Variants in CES5A observed in about 807,000 individuals in gnomAD.
The protein encoded by CES5A is carboxylesterase 5A.
CES5A carries 67 observed loss-of-function variants against 62.9 expected under a neutral mutation model. The ratio of observed to expected loss-of-function variants is 1.07; its 90% CI spans 0.88 to 1.31. The LOEUF (loss-of-function observed/expected upper bound fraction) is 1.31. Among genes scored for constraint, CES5A ranks in the 50% most tolerant of loss-of-function variants. CES5A has a pLI of 0.00. For missense variants in CES5A, 748 were observed against 708.5 expected (o/e 1.06, Z -0.63); for synonymous variants, 296 against 280.8 (o/e 1.05, Z -0.54).
At chr16:55,945,341 A>G (rs1366113411) in intron 2 of CES5A, among the ~76,000 whole-genome samples, 2 of 152,246 alleles carry the variant, frequency 1.3e-5, no homozygotes, top group African/African-American at 4.8e-5. Context: ...TGTTCAGTGA[A>G]TCAGAAGCAA....
chr16:55,936,347 T>A (rs915152764), intron 2 of CES5A, among the ~76,000 whole-genome samples: 3 of 152,212 alleles, frequency 2.0e-5, no homozygotes, highest in Non-Finnish European at 4.4e-5. Context: ...CCTGTGTGTG[T>A]TCGTATGGAG....
chr16:55,847,575 T>C (rs555680908), intron 11 of CES5A, among the ~76,000 whole-genome samples: 159 of 152,260 alleles, frequency 1.0e-3, no homozygotes, highest in African/African-American at 3.5e-3. Context: ...AAAGACAGGC[T>C]CTGCAGGTAC....
At chr16:55,890,078 T>C (rs1234936053) in intron 1 of CES5A, among the ~76,000 whole-genome samples, 1 of 152,104 alleles carries the variant, frequency 6.6e-6, no homozygotes, top group African/African-American at 2.4e-5. Context: ...CCCTTGATAA[T>C]AGCATAAGCT....
chr16:55,857,371 G>T (rs1274453512), intron 8 of CES5A, among the ~76,000 whole-genome samples: 1 of 152,102 alleles, frequency 6.6e-6, no homozygotes, highest in Non-Finnish European at 1.5e-5. Flanking sequence ...CCACTTTCTG[G>T]CAAAATTACC....
chr16:55,865,830 G>C, intron 5 of CES5A, 133 bp downstream of exon 5: 1 of 998,666 alleles, frequency 1.0e-6, no homozygotes, highest in East Asian at 2.5e-5. Context: ...AATGTGTTGT[G>C]AGGCTTGAAA....
chr16:55,947,811 AGG>A (rs2034512574), intron 2 of CES5A, among the ~76,000 whole-genome samples: 1 of 152,076 alleles, frequency 6.6e-6, no homozygotes, highest in Non-Finnish European at 1.5e-5. Context: ...GAGTGAGCAA[AGG>A]GGACATAGTG....
intron 1 of CES5A, among the ~76,000 whole-genome samples, chr16:55,923,093 C>CTT (rs1321185477): frequency 6.6e-6 from 1 of 151,000 alleles, no homozygotes; most frequent in African/African-American, 2.4e-5. Context: ...AGTAGAAAGA[C>CTT]TTTAAAGAAA....
intron 3 of CES5A, among the ~76,000 whole-genome samples, chr16:55,871,132 T>A (rs1240267893): frequency 6.6e-6 from 1 of 152,170 alleles, no homozygotes; most frequent in Non-Finnish European, 1.5e-5. Flanking sequence ...GGCAGAGGCA[T>A]GAGGAAGAGA....
At chr16:55,910,732 C>T (rs2034084421) in intron 1 of CES5A, among the ~76,000 whole-genome samples, 1 of 152,206 alleles carries the variant, frequency 6.6e-6, no homozygotes, top group Admixed American at 6.5e-5. Flanking sequence ...ATTTCTCTTT[C>T]TGGCAAAGCA....
chr16:55,905,959 C>T (rs1017543419), intron 1 of CES5A, among the ~76,000 whole-genome samples: 1 of 152,130 alleles, frequency 6.6e-6, no homozygotes, highest in Non-Finnish European at 1.5e-5. Context: ...CAACAACACT[C>T]CCAGGAAGTA....
chr16:55,915,649 C>A (rs1258713427), intron 1 of CES5A, among the ~76,000 whole-genome samples: 3 of 152,154 alleles, frequency 2.0e-5, no homozygotes, highest in African/African-American at 4.8e-5. Context: ...TCCAGGAAGT[C>A]TTCATTCACT....
intron 5 of CES5A, among the ~76,000 whole-genome samples, chr16:55,865,635 C>A (rs1293833355): frequency 6.6e-6 from 1 of 152,188 alleles, no homozygotes; most frequent in Non-Finnish European, 1.5e-5. Flanking sequence ...CATTTCATGT[C>A]TTAGCTGAGT....
At chr16:55,906,699 G>T (rs1039175413) in intron 1 of CES5A, among the ~76,000 whole-genome samples, 2 of 152,214 alleles carry the variant, frequency 1.3e-5, no homozygotes, top group Admixed American at 6.5e-5. Context: ...TCCCAGGGGA[G>T]CTGGAGAAGA....
chr16:55,947,581 A>C (rs1260755066), intron 2 of CES5A, among the ~76,000 whole-genome samples: 1 of 152,154 alleles, frequency 6.6e-6, no homozygotes, highest in Non-Finnish European at 1.5e-5. Context: ...GATAAGTGTT[A>C]TGAGAAAAAA....
upstream of CES5A, among the ~76,000 whole-genome samples, chr16:55,876,722 G>C (rs144037459): frequency 6.6e-6 from 1 of 152,354 alleles, no homozygotes; most frequent in East Asian, 1.9e-4. Flanking sequence ...AGCCACAGCA[G>C]AGCAGAAGTG....
At chr16:55,860,794 A>G (rs2142396457) in intron 7 of CES5A, among the ~76,000 whole-genome samples, 1 of 152,354 alleles carries the variant, frequency 6.6e-6, no homozygotes, top group East Asian at 1.9e-4. Flanking sequence ...CAGAGTGGAC[A>G]TTCAGTACAC....
intron 1 of CES5A, among the ~76,000 whole-genome samples, chr16:55,888,181 C>T (rs1416237283): frequency 6.6e-6 from 1 of 152,162 alleles, no homozygotes; most frequent in Non-Finnish European, 1.5e-5. Context: ...TGTTCCACAT[C>T]TCGTCCTCTC....
chr16:55,906,284 G>A (rs973390841), intron 1 of CES5A, among the ~76,000 whole-genome samples: 24 of 152,154 alleles, frequency 1.6e-4, no homozygotes, highest in Non-Finnish European at 2.8e-4. Flanking sequence ...TGATTGATGC[G>A]GTTTGTAATA....
intron 1 of CES5A, among the ~76,000 whole-genome samples, chr16:55,891,228 C>T (rs1275011721): frequency 1.3e-5 from 2 of 152,212 alleles, no homozygotes; most frequent in Non-Finnish European, 2.9e-5. Context: ...GCAGGAGCCA[C>T]ATGTCCGGAA....
Sources: gnomAD v4.1 joint callset for allele counts (sites outside exome capture counted in the v4.1 genomes callset) on GRCh38, gnomAD v4.1.1 for gene constraint, MANE v1.5 for transcripts, NCBI Gene and HGNC (gene_info 2026-07-23, HGNC 2026-07-21) for gene names.